EXOC2: variants seen among roughly 807,000 people sequenced by gnomAD.
The protein encoded by EXOC2 is SEC5-like 1.
A neutral mutation model predicts 131.8 loss-of-function variants in EXOC2; 70 were observed. The ratio of observed to expected loss-of-function variants is 0.53; its 90% CI spans 0.44 to 0.65. The LOEUF is 0.65. Ranked by LOEUF, EXOC2 falls within the 30% of genes least tolerant of loss-of-function variation. The pLI is 0.00. For missense variants in EXOC2, 923 were observed against 1,108.6 expected (o/e 0.83, Z 2.38); for synonymous variants, 411 against 398.4 (o/e 1.03, Z -0.38).
chr6:539,595 C>A (rs1053709007), intron 22 of EXOC2, among the ~76,000 whole-genome samples: 3 of 152,234 alleles, frequency 2.0e-5, no homozygotes, highest in African/African-American at 7.2e-5. Flanking sequence ...TCAACACAGT[C>A]ACAATGGTTT....
At chr6:522,570 C>T (rs926370419) in intron 23 of EXOC2, among the ~76,000 whole-genome samples, 6 of 143,716 alleles carry the variant, frequency 4.2e-5, no homozygotes, top group African/African-American at 1.1e-4. Flanking sequence ...CCCACGTGGA[C>T]GACATGACAG....
intron 23 of EXOC2, among the ~76,000 whole-genome samples, chr6:512,016 A>G (rs1764875985): frequency 6.6e-6 from 1 of 152,218 alleles, no homozygotes; most frequent in South Asian, 2.1e-4. Flanking sequence ...CAGCTTTGCC[A>G]TACTTGGAAA....
At chr6:491,682 T>C (rs1245286867) in intron 25 of EXOC2, among the ~76,000 whole-genome samples, 3 of 152,184 alleles carry the variant, frequency 2.0e-5, no homozygotes, top group African/African-American at 7.2e-5. Flanking sequence ...TCTATTAAAA[T>C]CACAGCTGCT....
intron 1 of EXOC2, among the ~76,000 whole-genome samples, chr6:690,476 C>T (rs1029454823): frequency 2.6e-5 from 4 of 152,072 alleles, no homozygotes; most frequent in African/African-American, 4.8e-5. Context: ...TCTGGGAGGC[C>T]GAGGTGGGTG....
intron 21 of EXOC2, among the ~76,000 whole-genome samples, chr6:550,265 C>T (rs553951837): frequency 1.3e-5 from 2 of 152,252 alleles, no homozygotes; most frequent in East Asian, 3.9e-4. Context: ...GAAAGTAATT[C>T]GATATAGTCA....
At chr6:581,749 T>C (rs1758917709) in intron 11 of EXOC2, among the ~76,000 whole-genome samples, 1 of 149,010 alleles carries the variant, frequency 6.7e-6, no homozygotes, top group South Asian at 2.1e-4. Context: ...GAAAAAAAAA[T>C]CCTTTAACCA....
chr6:555,224 T>C lies in EXOC2; in HGVS notation c.2054+3A>G. ...TAATGAGATTAATTTAATTTTTACT[T>C]ACTGTGTAGTATCTATATCTGCATC... On this transcript the variant is annotated splice_donor_region_variant and intron_variant, in intron 20 of 27. Transcript: ENST00000230449. The C allele has an allele frequency of 6.8e-7, 1 of 1,461,944 alleles. No individual in the cohort carries two copies. The highest frequency in any genetic ancestry group is 9.2e-7 in the Non-Finnish European group (1 of 1,085,812). 90.6% of individuals were successfully genotyped at this position (1,461,944 alleles called of 1,614,324 possible).
chr6:629,690 T>A, intron 4 of EXOC2, 145 bp downstream of exon 4: 2 of 961,356 alleles, frequency 2.1e-6, no homozygotes, highest in Admixed American at 3.2e-5. Flanking sequence ...CAAGGCTTCA[T>A]AAATAACACC....
intron 1 of EXOC2, among the ~76,000 whole-genome samples, chr6:641,275 T>C (rs963093333): frequency 6.6e-6 from 1 of 151,958 alleles, no homozygotes; most frequent in African/African-American, 2.4e-5. Flanking sequence ...GGAATGAGTC[T>C]GGGGTATGTT....
rs144043704 is a variant in EXOC2 at position 627,243 on chromosome 6, CAAAA to C, written c.422+2588_422+2591del. On this transcript the variant is annotated intron_variant, in intron 4 of 27. Transcript: ENST00000230449. ...TAAACACAGCTTTCTTGACAGTATC[CAAAA>C]AAAAAAAAAAAAAAAAAGAAGCCTG... 4.3e-3 allele frequency among the ~76,000 whole-genome samples: 511 copies of C among 118,922 alleles called. 4 individuals are homozygous for C. Among genetic ancestry groups the C allele is most frequent in the East Asian group, 4.9e-3 (19 of 3,912 alleles). 78.0% of individuals were successfully genotyped at this position (118,922 alleles called of 152,430 possible).
intron 13 of EXOC2, among the ~76,000 whole-genome samples, chr6:571,161 T>C (rs1758255977): frequency 2.0e-5 from 3 of 152,232 alleles, no homozygotes; most frequent in Admixed American, 1.3e-4. Flanking sequence ...TTCCTCTGTA[T>C]AGTCAACTTT....
At chr6:518,319 C>T (rs1042979138) in intron 23 of EXOC2, among the ~76,000 whole-genome samples, 2 of 152,166 alleles carry the variant, frequency 1.3e-5, no homozygotes, top group Non-Finnish European at 2.9e-5. Flanking sequence ...CTGCTTAAGT[C>T]GGCCAACAGG....
At chr6:579,900 GTTTCCATAAAATATAAAAT>G (rs1192829963) in intron 11 of EXOC2, among the ~76,000 whole-genome samples, 1 of 152,030 alleles carries the variant, frequency 6.6e-6, no homozygotes, top group Non-Finnish European at 1.5e-5. Context: ...GAAAAAAACA[GTTTCCATAAAATATAAAAT>G]CAGCAAAAGT....
At chr6:508,223 T>TA (rs1764668688) in intron 23 of EXOC2, among the ~76,000 whole-genome samples, 1 of 152,138 alleles carries the variant, frequency 6.6e-6, no homozygotes, top group South Asian at 2.1e-4. Context: ...CGCCACCACA[T>TA]ACACACGGCC....
chr6:632,061 G>C (rs9328331), intron 3 of EXOC2, among the ~76,000 whole-genome samples: 106,217 of 152,076 alleles, frequency 0.7, 37,696 homozygotes, highest in Middle Eastern at 0.88. Flanking sequence ...ATGCTGACCA[G>C]GTGCAAGACA....
intron 1 of EXOC2, among the ~76,000 whole-genome samples, chr6:692,018 AGCATGG>A (rs1764950375): frequency 6.6e-6 from 1 of 152,230 alleles, no homozygotes; most frequent in African/African-American, 2.4e-5. Context: ...AGTTACACAA[AGCATGG>A]GCCAGTACAT....
chr6:672,755 G>T (rs1336822948), intron 1 of EXOC2, among the ~76,000 whole-genome samples: 1 of 152,300 alleles, frequency 6.6e-6, no homozygotes, highest in East Asian at 1.9e-4. Flanking sequence ...CTGATTTTCA[G>T]TCTGTTTAGC....
intron 12 of EXOC2, among the ~76,000 whole-genome samples, chr6:574,745 C>T (rs540153035): frequency 1.3e-5 from 2 of 152,364 alleles, no homozygotes; most frequent in East Asian, 3.9e-4. Flanking sequence ...ACTCTGAATG[C>T]TGAACAAGGC....
intron 13 of EXOC2, among the ~76,000 whole-genome samples, chr6:568,001 G>A (rs1758069091): frequency 6.6e-6 from 1 of 152,248 alleles, no homozygotes; most frequent in Non-Finnish European, 1.5e-5. Context: ...ACGGTTGGGG[G>A]TTAGGAGGAC....
Sources: gnomAD v4.1 joint callset for allele counts (sites outside exome capture counted in the v4.1 genomes callset) on GRCh38, gnomAD v4.1.1 for gene constraint, MANE v1.5 for transcripts, NCBI Gene and HGNC (gene_info 2026-07-23, HGNC 2026-07-21) for gene names.